LRGUK: variants seen among roughly 807,000 people sequenced by gnomAD.
LRGUK encodes leucine rich repeats and guanylate kinase domain containing.
A neutral mutation model predicts 76.0 loss-of-function variants in LRGUK; 65 were observed. That is an observed-to-expected ratio of 0.85 (90% CI 0.70 to 1.05). The LOEUF (loss-of-function observed/expected upper bound fraction) is 1.05, where lower values mean the gene tolerates loss of function less well. Among genes scored for constraint, LRGUK ranks in the 50% least tolerant of loss-of-function variants. LRGUK has a pLI of 0.00. For missense variants in LRGUK, 758 were observed against 732.8 expected, an observed-to-expected ratio of 1.03 and a Z score of -0.40; for synonymous variants, 268 against 265.6, an observed-to-expected ratio of 1.01 and a Z score of -0.09.
chr7:134,261,083 A>G (rs1802713224), intron 19 of LRGUK, among the ~76,000 whole-genome samples: 1 of 152,134 alleles, frequency 6.6e-6, no homozygotes, highest in Admixed American at 6.5e-5. Flanking sequence ...GAGTTCCTAT[A>G]AAGTTATTTC....
chr7:134,191,878 T>TA (rs1800268067), intron 12 of LRGUK, 127 bp downstream of exon 12: 1 of 599,162 alleles, frequency 1.7e-6, no homozygotes, highest in Non-Finnish European at 2.8e-6. Context: ...GGTGAGTTTT[T>TA]ATGGGGTTTT....
At position 134,161,178 on chromosome 7, in the gene LRGUK, A is replaced by G. The variant is rs144697687; in HGVS notation, c.796-2219A>G. On this transcript the variant is annotated intron_variant, in intron 6 of 15. Transcript: ENST00000645682. ...TAAGAAGAATTACAGTCTATCTACCACATCTAAAGCATTTCAGAGTTCTTT... is the reference window on the plus strand; with the variant it reads ...TAAGAAGAATTACAGTCTATCTACCGCATCTAAAGCATTTCAGAGTTCTTT... Among the ~76,000 whole-genome samples the G allele has an allele frequency of 1.7e-3, 260 of 152,318 alleles. 1 individual carries two copies. Among genetic ancestry groups the G allele is most frequent in the African/African-American group, 5.9e-3 (247 of 41,574 alleles).
intron 17 of LRGUK, 95 bp from the exon 18 acceptor site, chr7:134,248,856 G>A (rs1163465736): frequency 5.1e-6 from 5 of 975,070 alleles, no homozygotes; most frequent in Admixed American, 8.2e-5. Flanking sequence ...ATTGGCATTT[G>A]CGTTTATCTG....
chr7:134,201,617 T>G (rs994939324), intron 15 of LRGUK, 41 bp downstream of exon 15: 8 of 1,397,366 alleles, frequency 5.7e-6, no homozygotes, highest in African/African-American at 1.4e-5. Context: ...TTTTTTTTTT[T>G]CATGGAAAGG....
chr7:134,232,576 C>A (rs1304997200), intron 16 of LRGUK, among the ~76,000 whole-genome samples: 1 of 151,050 alleles, frequency 6.6e-6, no homozygotes, highest in Non-Finnish European at 1.5e-5. Flanking sequence ...CCGCACCAGG[C>A]CCTTTATTTC....
chr7:134,234,819 C>T (rs907653943), intron 16 of LRGUK, among the ~76,000 whole-genome samples: 2 of 151,946 alleles, frequency 1.3e-5, no homozygotes, highest in Admixed American at 1.3e-4. Flanking sequence ...TATCTACACT[C>T]ACTTCTTCCA....
At chr7:134,220,331 G>A (rs1441982138) in intron 15 of LRGUK, among the ~76,000 whole-genome samples, 2 of 152,132 alleles carry the variant, frequency 1.3e-5, no homozygotes, top group Non-Finnish European at 2.9e-5. Flanking sequence ...TCCTTACCAT[G>A]ATTAAATAGT....
chr7:134,208,404 C>T (rs929665580), intron 15 of LRGUK, among the ~76,000 whole-genome samples: 62 of 152,144 alleles, frequency 4.1e-4, no homozygotes, highest in Admixed American at 2.2e-3. Context: ...AAATGTCTCA[C>T]CACCCACAAA....
At chr7:134,216,295 T>C (rs1402486844) in intron 15 of LRGUK, among the ~76,000 whole-genome samples, 1 of 152,180 alleles carries the variant, frequency 6.6e-6, no homozygotes, top group Non-Finnish European at 1.5e-5. Flanking sequence ...CTGTTCAAAC[T>C]GGGTGGAAAT....
At chr7:134,201,697 C>A (rs1226643909) in intron 15 of LRGUK, 121 bp downstream of exon 15, 2 of 648,620 alleles carry the variant, frequency 3.1e-6, no homozygotes, top group African/African-American at 1.8e-5. Context: ...TATTCCTGTA[C>A]TTCTTCTGGG....
At chr7:134,229,691 A>G (rs1801848277) in intron 16 of LRGUK, among the ~76,000 whole-genome samples, 1 of 152,158 alleles carries the variant, frequency 6.6e-6, no homozygotes, top group Admixed American at 6.6e-5. Flanking sequence ...TGTATCTGAA[A>G]ATGCTGGTAT....
intron 15 of LRGUK, among the ~76,000 whole-genome samples, chr7:134,215,597 A>G (rs1159107180): frequency 6.6e-6 from 1 of 152,024 alleles, no homozygotes; most frequent in Admixed American, 6.6e-5. Flanking sequence ...GTTTTATATA[A>G]AGCTTTTAAA....
chr7:134,222,936 A>G (rs994903884), intron 16 of LRGUK, among the ~76,000 whole-genome samples: 85 of 152,314 alleles, frequency 5.6e-4, no homozygotes, highest in African/African-American at 1.9e-3. Context: ...GCATCAAGTC[A>G]GAACCATTGG....
intron 18 of LRGUK, among the ~76,000 whole-genome samples, chr7:134,256,186 G>A (rs2117221474): frequency 6.6e-6 from 1 of 152,238 alleles, no homozygotes; most frequent in South Asian, 2.1e-4. Flanking sequence ...GGCCAGGTGT[G>A]GTGGCACATG....
At chr7:134,129,588 T>C (rs1367384025) in intron 1 of LRGUK, among the ~76,000 whole-genome samples, 1 of 150,594 alleles carries the variant, frequency 6.6e-6, no homozygotes, top group Non-Finnish European at 1.5e-5. Context: ...TCCTCCTGCC[T>C]CAGCCTCCTG....
At chr7:134,272,208 A>G in the LRGUK span, among the ~76,000 whole-genome samples, 1 of 152,184 alleles carries the variant, frequency 6.6e-6, no homozygotes, top group Non-Finnish European at 1.5e-5. Context: ...TAGGAGTTTT[A>G]CCATGAATAA....
At chr7:134,229,534 GGAGA>G (rs1215137576) in intron 16 of LRGUK, among the ~76,000 whole-genome samples, 2 of 152,096 alleles carry the variant, frequency 1.3e-5, no homozygotes, top group Non-Finnish European at 2.9e-5. Context: ...CCTAAAAAGT[GGAGA>G]GATAGACCAT....
intron 12 of LRGUK, among the ~76,000 whole-genome samples, chr7:134,195,640 A>T (rs1462280814): frequency 1.3e-5 from 2 of 151,980 alleles, no homozygotes; most frequent in East Asian, 3.9e-4. Flanking sequence ...TGTTCATCTC[A>T]CCCCAAACAT....
intron 7 of LRGUK, among the ~76,000 whole-genome samples, chr7:134,166,110 C>T (rs933956977): frequency 3.3e-5 from 5 of 151,816 alleles, no homozygotes; most frequent in Non-Finnish European, 5.9e-5. Context: ...ACAGGACTAC[C>T]GAGAATACTG....
Sources: gnomAD v4.1 joint callset for allele counts (sites outside exome capture counted in the v4.1 genomes callset) on GRCh38, gnomAD v4.1.1 for gene constraint, MANE v1.5 for transcripts, NCBI Gene and HGNC (gene_info 2026-07-23, HGNC 2026-07-21) for gene names.